Variants in MAP2K6 observed in about 807,000 individuals in gnomAD.
The protein encoded by MAP2K6 is dual specificity mitogen-activated protein kinase kinase 6.
A neutral mutation model predicts 53.7 loss-of-function variants in MAP2K6; 16 were observed. The ratio of observed to expected loss-of-function variants is 0.30; its 90% CI spans 0.20 to 0.45. The LOEUF (loss-of-function observed/expected upper bound fraction) is 0.45. Ranked by LOEUF, MAP2K6 falls within the 20% of genes least tolerant of loss-of-function variation. MAP2K6 has a pLI of 1.00. For synonymous variants in MAP2K6, 132 were observed against 143.1 expected, an observed-to-expected ratio of 0.92 and a Z score of 0.55; for missense variants, 204 against 411.9, an observed-to-expected ratio of 0.50 and a Z score of 4.37.
At chr17:69,418,826 T>A (rs1415126625) in intron 1 of MAP2K6, among the ~76,000 whole-genome samples, 1 of 152,174 alleles carries the variant, frequency 6.6e-6, no homozygotes, top group Non-Finnish European at 1.5e-5. Context: ...CCAGTTCTTC[T>A]TCACTCTCCA....
chr17:69,447,695 T>C (rs73363593), intron 1 of MAP2K6, among the ~76,000 whole-genome samples: 8,928 of 152,178 alleles, frequency 0.059, 879 homozygotes, highest in African/African-American at 0.21. Flanking sequence ...TAAAAGGCAT[T>C]GGAGGAGGAA....
intron 1 of MAP2K6, among the ~76,000 whole-genome samples, chr17:69,503,693 C>G (rs1158525230): frequency 6.6e-6 from 1 of 152,048 alleles, no homozygotes; most frequent in Non-Finnish European, 1.5e-5. Context: ...GTGGCCAGTT[C>G]TCTTCATTAA....
intron 2 of MAP2K6, among the ~76,000 whole-genome samples, chr17:69,516,475 A>G (rs1331583021): frequency 1.3e-5 from 2 of 152,270 alleles, no homozygotes; most frequent in African/African-American, 4.8e-5. Context: ...GTATTAGTCC[A>G]TGGCTTGGGG....
Position 69,524,990 on chromosome 17 carries a change from C to CA in MAP2K6, c.741+14dup. ...TGGGCATCACGATGGTAGTGTATGC[C>CA]AATCATCATGAACTATGAGGTTGTG... On this transcript the variant is annotated intron_variant, in intron 9 of 11. Coordinates refer to ENST00000590474, the MANE Select transcript of MAP2K6 (RefSeq NM_002758.4). The CA allele has an allele frequency of 6.2e-7, 1 of 1,604,954 alleles. No individual in the cohort carries two copies. Among genetic ancestry groups the CA allele is most frequent in the Non-Finnish European group, 8.5e-7 (1 of 1,172,094 alleles).
chr17:69,449,427 T>C (rs570767637), intron 1 of MAP2K6, among the ~76,000 whole-genome samples: 5 of 151,482 alleles, frequency 3.3e-5, no homozygotes, highest in Non-Finnish European at 7.4e-5. Context: ...TGTGGGGAGG[T>C]ATATTTGAGT....
At chr17:69,525,817 C>T (rs376816834) in intron 9 of MAP2K6, among the ~76,000 whole-genome samples, 98 of 152,250 alleles carry the variant, frequency 6.4e-4, no homozygotes, top group African/African-American at 2.3e-3. Context: ...GGGACACAGC[C>T]CAACCGTATC....
At chr17:69,480,866 C>T (rs1036233820) in intron 1 of MAP2K6, among the ~76,000 whole-genome samples, 3 of 152,048 alleles carry the variant, frequency 2.0e-5, no homozygotes, top group African/African-American at 7.2e-5. Flanking sequence ...GGATTCAGAC[C>T]TGGATGGGAA....
chr17:69,425,453 C>T (rs1906240903), intron 1 of MAP2K6, among the ~76,000 whole-genome samples: 1 of 152,044 alleles, frequency 6.6e-6, no homozygotes, highest in Non-Finnish European at 1.5e-5. Flanking sequence ...GCTGGGATTA[C>T]AGGCGCCCAC....
intron 4 of MAP2K6, among the ~76,000 whole-genome samples, chr17:69,518,871 G>T (rs1910314364): frequency 6.6e-6 from 1 of 152,086 alleles, no homozygotes; most frequent in African/African-American, 2.4e-5. Flanking sequence ...CTTCTATTTT[G>T]TATAGCTGTA....
intron 11 of MAP2K6, among the ~76,000 whole-genome samples, chr17:69,538,554 A>T (rs1055385628): frequency 7.2e-5 from 11 of 152,220 alleles, no homozygotes; most frequent in Non-Finnish European, 1.3e-4. Context: ...TTGGGAAAAC[A>T]CTTGCTGAGA....
chr17:69,524,736 T>C (rs1910672224), intron 8 of MAP2K6, among the ~76,000 whole-genome samples, 165 bp from the exon 9 acceptor site: 1 of 152,120 alleles, frequency 6.6e-6, no homozygotes, highest in Admixed American at 6.5e-5. Flanking sequence ...ACGGAGGCAT[T>C]GATATTTGTT....
At chr17:69,440,216 T>A (rs1229541864) in intron 1 of MAP2K6, among the ~76,000 whole-genome samples, 2 of 152,042 alleles carry the variant, frequency 1.3e-5, no homozygotes, top group Non-Finnish European at 2.9e-5. Context: ...CCTGGCTAAT[T>A]TTTGTGTTTT....
intron 1 of MAP2K6, among the ~76,000 whole-genome samples, chr17:69,496,234 T>A (rs1385518570): frequency 1.3e-5 from 2 of 152,070 alleles, no homozygotes; most frequent in East Asian, 3.9e-4. Flanking sequence ...CCTTCACCGA[T>A]TCTTCGAAAT....
intron 1 of MAP2K6, among the ~76,000 whole-genome samples, chr17:69,423,074 G>A (rs1028744607): frequency 5.9e-5 from 9 of 152,086 alleles, no homozygotes; most frequent in South Asian, 2.1e-4. Flanking sequence ...TAGTAGAGAC[G>A]GGGTTTCACC....
chr17:69,502,244 A>AG, intron 1 of MAP2K6: 1 of 985,364 alleles, frequency 1.0e-6, no homozygotes. Context: ...GAACTTGAGG[A>AG]GGGGGTGGAG....
rs75480350 is a variant in MAP2K6, at chr17:69,539,399, A to C, written c.928-2277A>C. Among the ~76,000 whole-genome samples, 506 of 152,116 alleles carry C rather than the reference A, an allele frequency of 3.3e-3. 2 individuals are homozygous for C. Among genetic ancestry groups the C allele is most frequent in the African/African-American group, 0.011 (475 of 41,500 alleles). On this transcript the variant is annotated intron_variant, in intron 11 of 11. Transcript: ENST00000590474. ...ATTATTCATAGTCCCTCATTTGTCA[A>C]TTTCCTGGTTGCTGCCCTTGCTAAT... is the stretch of plus-strand genomic sequence containing the variant.
intron 9 of MAP2K6, 24 bp downstream of exon 9, chr17:69,525,002 A>G (rs372377523): frequency 5.0e-6 from 8 of 1,589,184 alleles, no homozygotes; most frequent in Non-Finnish European, 6.9e-6. Context: ...ATCATCATGA[A>G]CTATGAGGTT....
intron 1 of MAP2K6, among the ~76,000 whole-genome samples, chr17:69,449,701 C>CT (rs1346583512): frequency 1.4e-5 from 2 of 147,146 alleles, no homozygotes; most frequent in East Asian, 3.9e-4. Context: ...CAGGCTCCGC[C>CT]CCCTGGGGTT....
chr17:69,490,376 A>T (rs1908694493), intron 1 of MAP2K6, among the ~76,000 whole-genome samples: 1 of 152,162 alleles, frequency 6.6e-6, no homozygotes, highest in Non-Finnish European at 1.5e-5. Context: ...ATGTTTCTTG[A>T]GTCCAGGGAT....
Sources: allele counts gnomAD v4.1 joint callset (sites outside exome capture counted in the v4.1 genomes callset), GRCh38; gene constraint gnomAD v4.1.1; transcripts MANE v1.5; gene names NCBI Gene and HGNC (gene_info 2026-07-23, HGNC 2026-07-21).